DBX2: variants seen among roughly 807,000 people sequenced by gnomAD.
The protein encoded by DBX2 is developing brain homeobox 2, also known as homeobox protein DBX2.
Under a neutral mutation model 17.7 loss-of-function variants are expected in DBX2, and 16 were observed. The observed-to-expected ratio is 0.90, with a 90% CI of 0.61 to 1.37. The LOEUF (loss-of-function observed/expected upper bound fraction) is 1.37, where lower values mean the gene tolerates loss of function less well. Ranked by LOEUF, DBX2 falls within the 40% of genes most tolerant of loss-of-function variation. The probability of loss-of-function intolerance (pLI) is 0.00; values close to 1 mark genes in which losing one functional copy is unlikely to be tolerated. For missense variants in DBX2, 538 were observed against 433.8 expected (o/e 1.24, Z -2.13); for synonymous variants, 255 against 183.8 (o/e 1.39, Z -3.13).
chr12:45,033,225 G>A (rs1030219969), intron 2 of DBX2, among the ~76,000 whole-genome samples: 1 of 152,150 alleles, frequency 6.6e-6, no homozygotes, highest in Non-Finnish European at 1.5e-5. Context: ...TACTTCACTC[G>A]CGTAGTTAAA....
intron 1 of DBX2, 50 bp downstream of exon 1, chr12:45,050,475 C>G: frequency 6.5e-7 from 1 of 1,538,828 alleles, no homozygotes; most frequent in Non-Finnish European, 8.8e-7. Flanking sequence ...CTGGACCACC[C>G]GGCCTGGGGG....
At chr12:45,048,443 A>G (rs1353470402) in intron 1 of DBX2, among the ~76,000 whole-genome samples, 1 of 152,182 alleles carries the variant, frequency 6.6e-6, no homozygotes, top group Non-Finnish European at 1.5e-5. Flanking sequence ...TGTCCCCAGA[A>G]CACCAAATCA....
chr12:45,035,173 G>A (rs1006211801), intron 2 of DBX2, among the ~76,000 whole-genome samples: 11 of 152,338 alleles, frequency 7.2e-5, no homozygotes, highest in South Asian at 2.1e-4. Flanking sequence ...GAATTCAACC[G>A]TGATGGGGTT....
intron 1 of DBX2, among the ~76,000 whole-genome samples, 154 bp from the exon 2 acceptor site, chr12:45,036,268 G>A (rs1271234893): frequency 1.3e-5 from 2 of 152,128 alleles, no homozygotes; most frequent in Non-Finnish European, 2.9e-5. Context: ...GTCTGTCAAA[G>A]AGCATGCCAA....
chr12:45,028,752 C>T (rs577908585), intron 2 of DBX2, among the ~76,000 whole-genome samples: 1 of 152,196 alleles, frequency 6.6e-6, no homozygotes, highest in East Asian at 1.9e-4. Context: ...GTTTCAGTGC[C>T]CTATAACAAA....
In DBX2 at chr12:45,050,980, C is replaced by G. The variant is rs1369077277; in HGVS notation, c.-53G>C. ...GCCCGCCTTGCGCCCGCCTGTCGCC[C>G]GGGCGCCCCGCACCGCACCCAGAGC... On this transcript the variant is annotated 5_prime_UTR_variant, in exon 1 of 4. Transcript: ENST00000332700. The G allele has an allele frequency of 1.5e-6, 2 of 1,349,708 alleles. No homozygotes were observed. Among genetic ancestry groups the G allele is most frequent in the South Asian group, 2.0e-5 (1 of 49,230 alleles). 83.6% of individuals were successfully genotyped at this position (1,349,708 alleles called of 1,614,324 possible).
chr12:45,037,765 A>G (rs746780489), intron 1 of DBX2, among the ~76,000 whole-genome samples: 42 of 152,240 alleles, frequency 2.8e-4, no homozygotes, highest in South Asian at 6.2e-4. Flanking sequence ...TTTTTATAGC[A>G]TTTCAGGGTC....
rs200087108 is a variant in DBX2, at chr12:45,023,908, A to G, written c.500-14T>C. The G allele has an allele frequency of 5.0e-5, 77 of 1,530,964 alleles. No homozygotes were observed. Among genetic ancestry groups the G allele is most frequent in the East Asian group, 2.3e-4 (10 of 44,138 alleles). 94.8% of individuals were successfully genotyped at this position (1,530,964 alleles called of 1,614,324 possible). Reference sequence around the variant, plus strand: ...TGCTCTCTTCTCCTAGAGTCGAGGGAAAAAGATACAAAAGCCCAGTTAGCT... The same window carrying G: ...TGCTCTCTTCTCCTAGAGTCGAGGGGAAAAGATACAAAAGCCCAGTTAGCT... On this transcript the variant is annotated splice_polypyrimidine_tract_variant and intron_variant, in intron 2 of 3. Transcript: ENST00000332700.
chr12:45,022,865 T>A (rs1212537958), intron 3 of DBX2, among the ~76,000 whole-genome samples: 1 of 152,204 alleles, frequency 6.6e-6, no homozygotes, highest in African/African-American at 2.4e-5. Context: ...CATGGTATTT[T>A]TAGGTTAAAG....
intron 1 of DBX2, among the ~76,000 whole-genome samples, chr12:45,039,895 C>A (rs1946462427): frequency 6.6e-6 from 1 of 152,046 alleles, no homozygotes; most frequent in Non-Finnish European, 1.5e-5. Context: ...AAAAAATGGC[C>A]TTTCCTCTGG....
intron 2 of DBX2, among the ~76,000 whole-genome samples, chr12:45,031,823 G>A (rs962628965): frequency 2.6e-5 from 4 of 152,050 alleles, no homozygotes; most frequent in East Asian, 1.9e-4. Flanking sequence ...ATACTGAGCT[G>A]ACAGTACGCT....
chr12:45,047,892 T>C (rs10880731), intron 1 of DBX2, among the ~76,000 whole-genome samples: 5,175 of 152,200 alleles, frequency 0.034, 161 homozygotes, highest in East Asian at 0.18. Context: ...AACTGGAATC[T>C]CCATAGCCAC....
chr12:45,039,287 A>G lies in DBX2; in HGVS notation c.404-3173T>C, dbSNP rs1464380535. On this transcript the variant is annotated intron_variant, in intron 1 of 3. Transcript: ENST00000332700. ...TGCACTGCATTGAAGGTATATATAT[A>G]TATATATATATATATATATATATAT... Among the ~76,000 whole-genome samples, 13 of 50,398 alleles carry G rather than the reference A, an allele frequency of 2.6e-4. No homozygotes were observed. In the East Asian group the frequency reaches 8.0e-3, roughly 31 times the overall value. The allele number at this position is 50,398 out of a possible 152,430, so 33.1% of individuals were successfully genotyped here.
In DBX2 at chr12:45,014,824, T is replaced by C. The variant is rs1946314444; in HGVS notation, c.*1462A>G. On this transcript the variant is annotated 3_prime_UTR_variant, in exon 4 of 4. Transcript: ENST00000332700. Reference sequence around the variant, plus strand: ...GTTGACATACCAAGTCCAATTCTATTCGTACAAAATAATTTCCTGCTGTTG... The same window carrying C: ...GTTGACATACCAAGTCCAATTCTATCCGTACAAAATAATTTCCTGCTGTTG... The C allele has an allele frequency of 6.6e-6, 1 of 152,170 alleles. No individual in the cohort carries two copies. Among genetic ancestry groups the C allele is most frequent in the African/African-American group, 2.4e-5 (1 of 41,456 alleles). The allele number at this position is 152,170 out of a possible 1,614,324, so 9.4% of individuals were successfully genotyped here. A position where few individuals can be genotyped will look rare whatever the true frequency, so the allele number is the denominator to read the frequency against.
chr12:45,019,194 ACTTTTGCAACATCTGAAACAGGAAAAAT>A (rs1452022187), intron 3 of DBX2, among the ~76,000 whole-genome samples: 1 of 152,066 alleles, frequency 6.6e-6, no homozygotes, highest in Non-Finnish European at 1.5e-5. Context: ...CTTAGAAAGG[ACTTTTGCAACATCTGAAACAGGAAAAAT>A]ATACTAACCA....
chr12:45,026,798 C>T (rs1205010267), intron 2 of DBX2, among the ~76,000 whole-genome samples: 1 of 152,178 alleles, frequency 6.6e-6, no homozygotes, highest in African/African-American at 2.4e-5. Flanking sequence ...CTTTGAATTG[C>T]CATAAACCTG....
intron 2 of DBX2, among the ~76,000 whole-genome samples, chr12:45,029,024 T>C (rs1183912918): frequency 1.3e-5 from 2 of 152,194 alleles, no homozygotes; most frequent in South Asian, 2.1e-4. Context: ...CACAAACACG[T>C]TGATGAACCC....
At chr12:45,043,123 G>C (rs1333456289) in intron 1 of DBX2, among the ~76,000 whole-genome samples, 1 of 152,196 alleles carries the variant, frequency 6.6e-6, no homozygotes, top group Non-Finnish European at 1.5e-5. Context: ...GCAGAAGACA[G>C]ACCTAGCAGG....
intron 2 of DBX2, among the ~76,000 whole-genome samples, chr12:45,027,111 C>G (rs929155035): frequency 1.3e-5 from 2 of 152,174 alleles, no homozygotes; most frequent in African/African-American, 4.8e-5. Context: ...TCAGCCCTTA[C>G]ATGCATGACT....
Sources: allele counts gnomAD v4.1 joint callset (sites outside exome capture counted in the v4.1 genomes callset), GRCh38; gene constraint gnomAD v4.1.1; transcripts MANE v1.5; gene names NCBI Gene and HGNC (gene_info 2026-07-23, HGNC 2026-07-21).